SRGAP1: variants seen among roughly 807,000 people sequenced by gnomAD.
SRGAP1 encodes the protein SLIT-ROBO Rho GTPase-activating protein 1.
SRGAP1 carries 43 observed loss-of-function variants against 121.9 expected under a neutral mutation model. The observed-to-expected ratio is 0.35, with a 90% confidence interval of 0.28 to 0.46. The LOEUF (loss-of-function observed/expected upper bound fraction) is 0.46. Ranked by LOEUF, SRGAP1 falls within the 20% of genes least tolerant of loss-of-function variation. The pLI, the probability that SRGAP1 is intolerant of heterozygous loss-of-function variation, is 1.00. For synonymous variants in SRGAP1, 447 were observed against 485.4 expected, an observed-to-expected ratio of 0.92 and a Z score of 1.04; for missense variants, 1,102 against 1,350.9, an observed-to-expected ratio of 0.82 and a Z score of 2.89.
intron 1 of SRGAP1, among the ~76,000 whole-genome samples, chr12:63,927,759 C>G (rs2031313100): frequency 6.6e-6 from 1 of 152,018 alleles, no homozygotes; most frequent in Non-Finnish European, 1.5e-5. Flanking sequence ...GCTATAAACG[C>G]TTTATGGTTG....
intron 1 of SRGAP1, among the ~76,000 whole-genome samples, chr12:63,948,780 CAT>C (rs1305930431): frequency 5.7e-5 from 8 of 141,396 alleles, no homozygotes; most frequent in South Asian, 2.3e-4. Context: ...ATATATATTC[CAT>C]ATATATGTTT....
chr12:63,863,835 G>T (rs770263050), intron 1 of SRGAP1, among the ~76,000 whole-genome samples: 1 of 152,232 alleles, frequency 6.6e-6, no homozygotes, highest in Non-Finnish European at 1.5e-5. Flanking sequence ...AGAGACTCCA[G>T]TGCAGCCACA....
intron 18 of SRGAP1, among the ~76,000 whole-genome samples, chr12:64,122,706 T>C (rs575267792): frequency 6.6e-6 from 1 of 152,312 alleles, no homozygotes; most frequent in East Asian, 1.9e-4. Flanking sequence ...GAGACCATCC[T>C]GGCCAACATG....
chr12:64,001,227 A>G (rs2033886775), intron 3 of SRGAP1, among the ~76,000 whole-genome samples: 1 of 152,210 alleles, frequency 6.6e-6, no homozygotes, highest in Non-Finnish European at 1.5e-5. Flanking sequence ...CAATTGAAGG[A>G]AAGTTACAAC....
intron 1 of SRGAP1, among the ~76,000 whole-genome samples, chr12:63,903,192 C>A (rs905991400): frequency 6.6e-6 from 1 of 152,000 alleles, no homozygotes; most frequent in Non-Finnish European, 1.5e-5. Context: ...TCAGCTTCAA[C>A]TAATGTGTTT....
At chr12:63,869,425 T>C (rs1224552730) in intron 1 of SRGAP1, among the ~76,000 whole-genome samples, 1 of 152,172 alleles carries the variant, frequency 6.6e-6, no homozygotes. Flanking sequence ...TTCCAGCACA[T>C]GCTTTTTGGG....
Position 63,886,935 on chromosome 12 carries a change from G to A in SRGAP1, c.67+42052G>A, listed in dbSNP as rs190301545. Among the ~76,000 whole-genome samples the A allele has an allele frequency of 3.3e-4, 50 of 152,158 alleles. 1 individual carries two copies. Among genetic ancestry groups the A allele is most frequent in the Middle Eastern group, 3.4e-3 (1 of 294 alleles). On this transcript the variant is annotated intron_variant, in intron 1 of 21. Coordinates refer to ENST00000355086, the MANE Select transcript of SRGAP1 (RefSeq NM_020762.4). ...GTCTCCCAGGCTAGAGTGCAATGGC[G>A]TGATCTTGGCTCACTGCAACCTCCT...
At chr12:64,005,774 A>G (rs1286052967) in intron 3 of SRGAP1, among the ~76,000 whole-genome samples, 2 of 152,206 alleles carry the variant, frequency 1.3e-5, no homozygotes, top group African/African-American at 2.4e-5. Flanking sequence ...AGAAGTCATG[A>G]CAAATGCATA....
At chr12:64,028,921 T>C (rs1465716760) in intron 4 of SRGAP1, among the ~76,000 whole-genome samples, 2 of 152,242 alleles carry the variant, frequency 1.3e-5, no homozygotes, top group Admixed American at 6.5e-5. Flanking sequence ...GTACCAGTGA[T>C]CACTGCAAGG....
chr12:63,952,727 G>A (rs997035094), intron 1 of SRGAP1, among the ~76,000 whole-genome samples: 12 of 152,156 alleles, frequency 7.9e-5, no homozygotes, highest in African/African-American at 2.7e-4. Flanking sequence ...CTTACAAAGA[G>A]CCCTGAGTGG....
chr12:64,091,112 G>T (rs1593118348), intron 11 of SRGAP1, among the ~76,000 whole-genome samples, 164 bp from the exon 12 acceptor site: 1 of 152,318 alleles, frequency 6.6e-6, no homozygotes, highest in South Asian at 2.1e-4. Flanking sequence ...TGATACAGAA[G>T]TGAAAGTAAA....
chr12:64,080,252 A>C, intron 9 of SRGAP1, 34 bp from the exon 10 acceptor site: 3 of 1,566,290 alleles, frequency 1.9e-6, no homozygotes, highest in Non-Finnish European at 2.6e-6. Context: ...TCAAAAAAAA[A>C]AAAAGATTTA....
chr12:63,977,983 C>T (rs1271386404), intron 1 of SRGAP1, among the ~76,000 whole-genome samples: 1 of 152,110 alleles, frequency 6.6e-6, no homozygotes, highest in East Asian at 1.9e-4. Context: ...AAAAGTCTTT[C>T]CTAATATTCT....
intron 6 of SRGAP1, among the ~76,000 whole-genome samples, chr12:64,055,661 G>C (rs2035326877): frequency 2.0e-5 from 3 of 152,092 alleles, no homozygotes; most frequent in Non-Finnish European, 2.9e-5. Flanking sequence ...CAGAGATATA[G>C]ATCAATGGAA....
intron 1 of SRGAP1, among the ~76,000 whole-genome samples, chr12:63,960,014 T>A (rs2032590470): frequency 6.6e-6 from 1 of 151,852 alleles, no homozygotes; most frequent in East Asian, 1.9e-4. Flanking sequence ...AGGATGGACT[T>A]GACCCTGTGG....
At chr12:64,099,704 G>T (rs1356360419) in intron 15 of SRGAP1, among the ~76,000 whole-genome samples, 1 of 152,314 alleles carries the variant, frequency 6.6e-6, no homozygotes, top group Non-Finnish European at 1.5e-5. Context: ...CATGTCCAAA[G>T]ATTTCCCTCA....
At chr12:63,986,280 C>T (rs1251326579) in intron 2 of SRGAP1, among the ~76,000 whole-genome samples, 1 of 151,832 alleles carries the variant, frequency 6.6e-6, no homozygotes, top group African/African-American at 2.4e-5. Context: ...ATGATGATCC[C>T]CAGGGTGAAC....
intron 4 of SRGAP1, among the ~76,000 whole-genome samples, chr12:64,026,304 T>C (rs4763006): frequency 2.6e-5 from 4 of 152,176 alleles, no homozygotes; most frequent in Non-Finnish European, 5.9e-5. Flanking sequence ...TCTTAAGCAG[T>C]TTATAGTAAT....
rs531075404 is a variant in SRGAP1, at chr12:63,867,450, C to T, written c.67+22567C>T. On this transcript the variant is annotated intron_variant, in intron 1 of 21. Transcript: ENST00000355086. ...ATAGCCACCTCTGTACTTTTATCTGCATCAGTTTCAGTGATTGAACTTCAT... is the reference window on the plus strand; with the variant it reads ...ATAGCCACCTCTGTACTTTTATCTGTATCAGTTTCAGTGATTGAACTTCAT... Among the ~76,000 whole-genome samples, 30 of 152,300 alleles carry T rather than the reference C, an allele frequency of 2.0e-4. No homozygotes were observed. In the South Asian group the frequency reaches 5.4e-3, roughly 27 times the overall value.
Sources: gnomAD v4.1 joint callset for allele counts (sites outside exome capture counted in the v4.1 genomes callset) on GRCh38, gnomAD v4.1.1 for gene constraint, MANE v1.5 for transcripts, NCBI Gene and HGNC (gene_info 2026-07-23, HGNC 2026-07-21) for gene names.